PPEF2: variants seen among roughly 807,000 people sequenced by gnomAD.
PPEF2 encodes serine/threonine-protein phosphatase with EF-hands 2.
A neutral mutation model predicts 84.7 loss-of-function variants in PPEF2; 84 were observed. The observed-to-expected ratio is 0.99, with a 90% confidence interval of 0.83 to 1.19. PPEF2 has a LOEUF of 1.19. PPEF2 is among the 50% of genes most tolerant of loss of function. PPEF2 has a pLI of 0.00. For synonymous variants in PPEF2, 346 were observed against 345.2 expected, an observed-to-expected ratio of 1.00 and a Z score of -0.03; for missense variants, 924 against 937.5, an observed-to-expected ratio of 0.99 and a Z score of 0.19.
intron 11 of PPEF2, among the ~76,000 whole-genome samples, chr4:75,875,038 A>G (rs1724374783): frequency 6.6e-6 from 1 of 151,750 alleles, no homozygotes; most frequent in African/African-American, 2.4e-5. Flanking sequence ...AATAGCTGGG[A>G]CTACAGGCAC....
chr4:75,891,546 T>G, intron 4 of PPEF2, 102 bp downstream of exon 4: 1 of 1,326,702 alleles, frequency 7.5e-7, no homozygotes, highest in South Asian at 1.6e-5. Context: ...ATTCCCTGGC[T>G]GTCACCAGAT....
chr4:75,896,455 T>C, intron 1 of PPEF2, 72 bp from the exon 2 acceptor site: 1 of 934,502 alleles, frequency 1.1e-6, no homozygotes, highest in Non-Finnish European at 1.7e-6. Flanking sequence ...CCAAATTGTC[T>C]ATGAATCATG....
chr4:75,866,592 A>C, intron 14 of PPEF2: 1 of 522,682 alleles, frequency 1.9e-6, no homozygotes, highest in Non-Finnish European at 3.4e-6. Flanking sequence ...AAAAGTGCCA[A>C]ATATTGCATA....
chr4:75,876,441 TGCCGGGAGAGCTCCC>T lies in PPEF2; in HGVS notation c.1151_1165del (p.Arg384_Arg388del). On this transcript the variant is annotated inframe_deletion, in exon 11 of 17. Transcript: ENST00000286719. ...CTCCAGTTCCACGGAGCTCCGCACC[TGCCGGGAGAGCTCCC>T]GCCCGTCCAGGGAACCGCTGCAGGG... is the stretch of plus-strand genomic sequence containing the variant. 1 of 1,614,138 alleles carries T rather than the reference TGCCGGGAGAGCTCCC, an allele frequency of 6.2e-7. No homozygotes were observed. Among genetic ancestry groups the T allele is most frequent in the South Asian group, 1.1e-5 (1 of 91,072 alleles).
chr4:75,884,935 T>C, intron 7 of PPEF2, 175 bp from the exon 8 acceptor site: 1 of 559,348 alleles, frequency 1.8e-6, no homozygotes, highest in Non-Finnish European at 3.0e-6. Context: ...ATTGGTCTTA[T>C]ATTTCCTTTC....
chr4:75,890,948 C>T (rs779794739), intron 4 of PPEF2, among the ~76,000 whole-genome samples: 4 of 152,060 alleles, frequency 2.6e-5, no homozygotes, highest in Non-Finnish European at 4.4e-5. Flanking sequence ...TTTGGGAGGC[C>T]GAGGCAGGTG....
At chr4:75,868,663 T>C (rs1214969508) in intron 13 of PPEF2, among the ~76,000 whole-genome samples, 1 of 151,818 alleles carries the variant, frequency 6.6e-6, no homozygotes, top group Non-Finnish European at 1.5e-5. Context: ...GCCACTGCAC[T>C]CCAGCCTGGA....
intron 7 of PPEF2, among the ~76,000 whole-genome samples, chr4:75,885,980 G>A (rs191911314): frequency 6.7e-6 from 1 of 150,350 alleles, no homozygotes; most frequent in Admixed American, 6.7e-5. Context: ...TTGCATTCCA[G>A]CCTCGGCGAG....
At position 75,902,250 on chromosome 4, in the gene PPEF2, T is replaced by C. The variant is rs1391099658; in HGVS notation, c.-79A>G. On this transcript the variant is annotated 5_prime_UTR_variant, in exon 1 of 17. Coordinates refer to ENST00000286719, the MANE Select transcript of PPEF2 (RefSeq NM_006239.3). ...CTTACCTTCTTTGCTGGGTTTTTTA[T>C]TTACCATGAGACACAACAAGGCAGA... is the stretch of plus-strand genomic sequence containing the variant. The C allele has an allele frequency of 6.6e-6, 1 of 152,258 alleles. No homozygotes were observed. The highest frequency in any genetic ancestry group is 1.5e-5 in the Non-Finnish European group (1 of 68,058). The allele number at this position is 152,258 out of a possible 1,614,324, so 9.4% of individuals were successfully genotyped here.
At chr4:75,887,001 A>G (rs530947154) in intron 6 of PPEF2, 103 bp from the exon 7 acceptor site, 10 of 586,184 alleles carry the variant, frequency 1.7e-5, no homozygotes, top group Non-Finnish European at 2.9e-5. Flanking sequence ...GACAGAAAAA[A>G]CCCTACAAAG....
At position 75,873,251 on chromosome 4, in the gene PPEF2, C is replaced by T. The variant is rs372439344; in HGVS notation, c.1382G>A (p.Arg461Gln). 3.7e-5 allele frequency: 59 copies of T among 1,614,038 alleles called. No homozygotes were observed. Among genetic ancestry groups the T allele is most frequent in the Non-Finnish European group, 4.2e-5 (49 of 1,180,028 alleles). ...AQEGCKANTIRGGGCYFGPDV... is the reference protein window; with the variant it reads ...AQEGCKANTIQGGGCYFGPDV... ...AGGCCCAAAATAACAGCCTCCTCCTCGAATAGTGTTGGCCTTGCAGCCCTC... is the reference window on the plus strand; with the variant it reads ...AGGCCCAAAATAACAGCCTCCTCCTTGAATAGTGTTGGCCTTGCAGCCCTC... The change falls in exon 12 of 17, where the codon CGA becomes CAA. Residue 461 changes from arginine to glutamine, a missense_variant. Arg to Gln is a conservative substitution (Grantham distance 43). Transcript: ENST00000286719.
In PPEF2 at chr4:75,877,006, A is replaced by AAAAGAAAG. The variant is rs71657381; in HGVS notation, c.934-341_934-334dup. On this transcript the variant is annotated intron_variant, in intron 10 of 16. Transcript: ENST00000286719. ...CTGAGCAACAGAGGGAGACCCTGAA[A>AAAAGAAAG]AAAGAAAGAAAGAAAGAAAGAAAGA... 7.6e-4 allele frequency among the ~76,000 whole-genome samples: 41 copies of AAAAGAAAG among 53,624 alleles called. 8 individuals are homozygous for AAAAGAAAG. The highest frequency in any genetic ancestry group is 1.3e-3 in the South Asian group (1 of 778). The allele number at this position is 53,624 out of a possible 152,430, so 35.2% of individuals were successfully genotyped here. A position where few individuals can be genotyped will look rare whatever the true frequency, so the allele number is the denominator to read the frequency against.
intron 13 of PPEF2, among the ~76,000 whole-genome samples, chr4:75,870,526 G>A (rs1414473241): frequency 2.6e-5 from 4 of 152,114 alleles, no homozygotes; most frequent in Admixed American, 2.0e-4. Flanking sequence ...TTCTAACTCT[G>A]TTAGGCTGAA....
Position 75,882,915 on chromosome 4 carries a change from T to C in PPEF2, c.933+11A>G, listed in dbSNP as rs369928172. 7 of 1,597,620 alleles carry C rather than the reference T, an allele frequency of 4.4e-6. No individual in the cohort carries two copies. The African/African-American group carries it at 9.5e-5, about 22-fold the overall frequency. Reference sequence around the variant, plus strand: ...TTATGGTGAAATTTGTATTATTTCATTAACCACTACCTTGCTCCTCTCTAT... The same window carrying C: ...TTATGGTGAAATTTGTATTATTTCACTAACCACTACCTTGCTCCTCTCTAT... On this transcript the variant is annotated intron_variant, in intron 10 of 16. Coordinates refer to ENST00000286719, the MANE Select transcript of PPEF2 (RefSeq NM_006239.3).
intron 5 of PPEF2, among the ~76,000 whole-genome samples, chr4:75,888,564 C>T (rs1417476505): frequency 6.6e-6 from 1 of 152,154 alleles, no homozygotes; most frequent in South Asian, 2.1e-4. Context: ...TTTTCTCTTT[C>T]CTTTCTACTC....
At position 75,891,646 on chromosome 4, in the gene PPEF2, A is replaced by C. The variant is rs1427262190; in HGVS notation, c.241+2T>G. 1 of 1,606,156 alleles carries C rather than the reference A, an allele frequency of 6.2e-7. No homozygotes were observed. Among genetic ancestry groups the C allele is most frequent in the Non-Finnish European group, 8.5e-7 (1 of 1,176,874 alleles). ...ACATGACATGTGGCAGTTCATACTC[A>C]CTGTCGTTGTGGCTGCTGGGGATGA... On this transcript the variant is annotated splice_donor_variant, in intron 4 of 16. Transcript: ENST00000286719. LOFTEE classifies it high-confidence loss of function.
chr4:75,878,808 C>A (rs1724493688), intron 10 of PPEF2, among the ~76,000 whole-genome samples: 1 of 152,166 alleles, frequency 6.6e-6, no homozygotes, highest in African/African-American at 2.4e-5. Flanking sequence ...TAGATGGAGT[C>A]TCGCTCTGTC....
rs1329823185 is a variant in PPEF2, at chr4:75,872,142, T to G, written c.1532A>C (p.Asn511Thr). The G allele has an allele frequency of 1.9e-6, 3 of 1,613,780 alleles. No homozygotes were observed. Among genetic ancestry groups the G allele is most frequent in the Admixed American group, 3.3e-5 (2 of 59,926 alleles). ...TCTGTTGCTGCCAACTTCATAGTAG[T>G]TGGAGGCAGAAAAGATTGTTAATAC... ...RKVLTIFSAS[N>T]YYEVGSNRGA... is the part of the protein sequence containing the mutation. Residue 511 changes from asparagine to threonine, a missense_variant, in exon 13 of 17, where the codon AAC (asparagine) becomes ACC (threonine). Asn to Thr is a moderately conservative substitution (Grantham distance 65, BLOSUM62 0). Coordinates refer to ENST00000286719, the MANE Select transcript of PPEF2 (RefSeq NM_006239.3).
intron 11 of PPEF2, 74 bp downstream of exon 11, chr4:75,876,213 T>A (rs1724402320): frequency 6.7e-7 from 1 of 1,500,062 alleles, no homozygotes. Context: ...AAACATATCC[T>A]GAGTTTCCCT....
Sources: gnomAD v4.1 joint callset for allele counts (sites outside exome capture counted in the v4.1 genomes callset) on GRCh38, gnomAD v4.1.1 for gene constraint, MANE v1.5 for transcripts, NCBI Gene and HGNC (gene_info 2026-07-23, HGNC 2026-07-21) for gene names.